CDKL1: variants seen among roughly 807,000 people sequenced by gnomAD.
CDKL1 encodes the protein cyclin dependent kinase like 1, also known as cyclin-dependent kinase-like 1.
A neutral mutation model predicts 42.0 loss-of-function variants in CDKL1; 41 were observed. The ratio of observed to expected loss-of-function variants is 0.98; its 90% CI spans 0.76 to 1.27. The LOEUF (loss-of-function observed/expected upper bound fraction) is 1.27. Among genes scored for constraint, CDKL1 ranks in the 50% most tolerant of loss-of-function variants. CDKL1 has a pLI of 0.00. For synonymous variants in CDKL1, 153 were observed against 158.6 expected, an observed-to-expected ratio of 0.96 and a Z score of 0.26; for missense variants, 394 against 428.4, an observed-to-expected ratio of 0.92 and a Z score of 0.71.
At chr14:50,382,266 C>T (rs375639059) in intron 2 of CDKL1, among the ~76,000 whole-genome samples, 22 of 152,136 alleles carry the variant, frequency 1.4e-4, no homozygotes, top group Admixed American at 5.2e-4. Flanking sequence ...TCCTGGCTAA[C>T]GCGGTGGAAC....
intron 2 of CDKL1, chr14:50,376,517 T>C (rs2034735763): frequency 3.1e-6 from 1 of 327,510 alleles, no homozygotes. Context: ...ATAATAAATA[T>C]TATGCAGGTA....
chr14:50,358,258 G>C, intron 3 of CDKL1: 2 of 707,172 alleles, frequency 2.8e-6, no homozygotes, highest in South Asian at 1.9e-5. Flanking sequence ...TTGGGTTTTT[G>C]TCACTTGAAA....
At chr14:50,342,590 T>C (rs769867716) in intron 4 of CDKL1, 8 of 245,698 alleles carry the variant, frequency 3.3e-5, no homozygotes, top group Non-Finnish European at 5.7e-5. Flanking sequence ...AAGTTATGCT[T>C]GTTTATCTGA....
intron 2 of CDKL1, among the ~76,000 whole-genome samples, chr14:50,382,442 C>T (rs539747583): frequency 3.6e-4 from 55 of 152,080 alleles, no homozygotes; most frequent in African/African-American, 1.2e-3. Context: ...CAGAGCAAGA[C>T]TCCATCTCAA....
chr14:50,326,293 G>T lies in CDKL1; in HGVS notation c.*3781C>A. ...TAATTCTAATATATTCATTTAATATGTAAATCTATAGATATCTCTTGATGT... is the reference window on the plus strand; with the variant it reads ...TAATTCTAATATATTCATTTAATATTTAAATCTATAGATATCTCTTGATGT... On this transcript the variant is annotated 3_prime_UTR_variant, in exon 10 of 10. Coordinates refer to ENST00000395834, the MANE Select transcript of CDKL1 (RefSeq NM_004196.7). 1.3e-5 allele frequency: 6 copies of T among 463,086 alleles called. No individual in the cohort carries two copies. Among genetic ancestry groups the T allele is most frequent in the Non-Finnish European group, 1.7e-5 (6 of 353,294 alleles). 28.7% of individuals were successfully genotyped at this position (463,086 alleles called of 1,614,324 possible).
intron 2 of CDKL1, among the ~76,000 whole-genome samples, chr14:50,369,589 A>G (rs1005843052): frequency 7.4e-6 from 1 of 134,902 alleles, no homozygotes; most frequent in African/African-American, 2.8e-5. Context: ...TATATTATAT[A>G]TAATATATAT....
At chr14:50,342,992 CT>C (rs746081035) in intron 4 of CDKL1, 45 of 1,355,666 alleles carry the variant, frequency 3.3e-5, no homozygotes, top group Non-Finnish European at 4.1e-5. Context: ...GCGGCCCCCC[CT>C]CCAGAATTTA....
At chr14:50,344,476 T>G (rs1397460760) in intron 4 of CDKL1, among the ~76,000 whole-genome samples, 1 of 149,982 alleles carries the variant, frequency 6.7e-6, no homozygotes. Flanking sequence ...TGGTTTTTTT[T>G]TTTTTTTTTT....
intron 2 of CDKL1, among the ~76,000 whole-genome samples, chr14:50,382,942 T>C (rs550235174): frequency 0.31 from 47,281 of 151,296 alleles, 7,764 homozygotes; most frequent in African/African-American, 0.35. Flanking sequence ...TTTTTTTTTT[T>C]TTTGAGACGG....
intron 2 of CDKL1, among the ~76,000 whole-genome samples, chr14:50,387,417 G>A (rs2035119275): frequency 6.6e-6 from 1 of 151,826 alleles, no homozygotes; most frequent in Non-Finnish European, 1.5e-5. Context: ...CAGCTACTCA[G>A]GAGGCTGAGG....
chr14:50,357,951 C>A, intron 3 of CDKL1: 5 of 687,018 alleles, frequency 7.3e-6, no homozygotes, highest in South Asian at 6.0e-5. Context: ...GAAAGAACAG[C>A]CACTACCTAC....
At chr14:50,390,412 A>G (rs1218286151) in intron 2 of CDKL1, 13 of 1,334,292 alleles carry the variant, frequency 9.7e-6, no homozygotes, top group Non-Finnish European at 1.3e-5. Context: ...TACCATTTTC[A>G]TTCCACAGAG....
chr14:50,345,120 AAAG>A, intron 3 of CDKL1, 62 bp from the exon 4 acceptor site: 1 of 1,494,982 alleles, frequency 6.7e-7, no homozygotes, highest in Non-Finnish European at 9.2e-7. Flanking sequence ...CAGCTCAAGA[AAAG>A]AAAAAATAAA....
chr14:50,390,958 C>T (rs2035239610), intron 2 of CDKL1, among the ~76,000 whole-genome samples: 1 of 152,198 alleles, frequency 6.6e-6, no homozygotes, highest in African/African-American at 2.4e-5. Context: ...CCTCAGCTTC[C>T]TGAGTAGCTG....
intron 2 of CDKL1, chr14:50,378,399 A>G (rs1438303947): frequency 8.8e-6 from 12 of 1,366,546 alleles, no homozygotes; most frequent in Non-Finnish European, 1.2e-5. Context: ...GCCGTCTTGA[A>G]GGGGCTGGGC....
intron 8 of CDKL1, chr14:50,332,655 C>G: frequency 1.3e-6 from 2 of 1,530,368 alleles, no homozygotes; most frequent in Non-Finnish European, 1.7e-6. Flanking sequence ...ATCATTTTCT[C>G]CACCTTATTC....
chr14:50,380,812 T>TTTTTTTTTTG (rs1447417583), intron 2 of CDKL1, among the ~76,000 whole-genome samples: 3 of 150,488 alleles, frequency 2.0e-5, no homozygotes, highest in Non-Finnish European at 3.0e-5. Context: ...CTTTTTTTTT[T>TTTTTTTTTTG]GGGACAGAGC....
chr14:50,390,323 C>G (rs2035218617), intron 2 of CDKL1: 2 of 1,366,406 alleles, frequency 1.5e-6, no homozygotes, highest in Admixed American at 1.9e-5. Flanking sequence ...GTGACACTGT[C>G]CTGTCCTTGA....
chr14:50,338,822 C>T (rs2033403153), intron 7 of CDKL1, 125 bp downstream of exon 7: 7 of 717,042 alleles, frequency 9.8e-6, no homozygotes, highest in South Asian at 6.0e-5. Context: ...CAATTTGCTC[C>T]AATTTTCTTT....
Sources: gnomAD v4.1 joint callset for allele counts (sites outside exome capture counted in the v4.1 genomes callset) on GRCh38, gnomAD v4.1.1 for gene constraint, MANE v1.5 for transcripts, NCBI Gene and HGNC (gene_info 2026-07-23, HGNC 2026-07-21) for gene names.